Variants in IGLON5 observed in about 807,000 individuals in gnomAD.
IGLON5 encodes IgLON family member 5.
IGLON5 carries 16 observed loss-of-function variants against 38.2 expected under a neutral mutation model. The observed-to-expected ratio is 0.42, with a 90% CI of 0.28 to 0.64. IGLON5 has a LOEUF of 0.64. IGLON5 is among the 30% of genes least tolerant of loss of function. IGLON5 has a pLI of 0.23. For missense variants in IGLON5, 366 were observed against 483.4 expected (o/e 0.76, Z 2.28); for synonymous variants, 207 against 216.4 (o/e 0.96, Z 0.38).
At chr19:51,322,306 C>T (rs112256927) in intron 2 of IGLON5, among the ~76,000 whole-genome samples, 164 bp downstream of exon 2, 2,688 of 152,168 alleles carry the variant, frequency 0.018, 54 homozygotes, top group African/African-American at 0.049. Flanking sequence ...GGCTCCCCCT[C>T]GGCTTCAGTG....
Position 51,323,662 on chromosome 19 carries a change from C to T in IGLON5, c.159C>T (p.Ser53=), listed in dbSNP as rs1985136260. 4.4e-6 allele frequency: 7 copies of T among 1,606,220 alleles called. No individual in the cohort carries two copies. Among genetic ancestry groups the T allele is most frequent in the Non-Finnish European group, 6.0e-6 (7 of 1,173,778 alleles). Reference sequence around the variant, plus strand: ...ACCTTCCCACTCATTCTCCCTGCAGCTGCTTCATCGACGAGCACGTGACCC... The same window carrying T: ...ACCTTCCCACTCATTCTCCCTGCAGTTGCTTCATCGACGAGCACGTGACCC... The part of the protein sequence containing the change: ...TVCEGDNATL[S]CFIDEHVTRV... Residue 53 remains serine, a splice_region_variant and synonymous_variant, in exon 3 of 8, where the codon AGC becomes AGT. Transcript: ENST00000270642.
intron 1 of IGLON5, among the ~76,000 whole-genome samples, chr19:51,314,932 C>T (rs894712022): frequency 6.6e-6 from 1 of 152,152 alleles, no homozygotes; most frequent in African/African-American, 2.4e-5. Flanking sequence ...CTTCTGCAGA[C>T]TTAGACACGA....
intron 1 of IGLON5, among the ~76,000 whole-genome samples, chr19:51,320,960 A>G (rs1475031929): frequency 2.0e-5 from 3 of 152,168 alleles, no homozygotes; most frequent in Non-Finnish European, 2.9e-5. Context: ...TCATCTTTGC[A>G]TAGGTACATG....
intron 4 of IGLON5, 28 bp from the exon 5 acceptor site, chr19:51,326,736 C>CA: frequency 1.3e-6 from 2 of 1,529,396 alleles, no homozygotes; most frequent in Non-Finnish European, 1.8e-6. Flanking sequence ...TGTCCGGCCC[C>CA]GCCCCCTCCT....
chr19:51,313,601 CCTT>C (rs1489697461), intron 1 of IGLON5, among the ~76,000 whole-genome samples: 13 of 149,760 alleles, frequency 8.7e-5, no homozygotes, highest in Non-Finnish European at 1.9e-4. Flanking sequence ...CTTTCTCTTT[CCTT>C]CTTTCTTTCT....
chr19:51,320,542 A>G (rs1280650781), intron 1 of IGLON5, among the ~76,000 whole-genome samples: 1 of 152,192 alleles, frequency 6.6e-6, no homozygotes, highest in African/African-American at 2.4e-5. Context: ...CAGAGAGATG[A>G]CTGCGTGGGG....
At position 51,327,712 on chromosome 19, in the gene IGLON5, CT is replaced by C. The variant is rs1356855732; in HGVS notation, c.768-19del. The stretch of plus-strand genomic sequence containing the variant: ...CTGGCTGGGCGCTGCGGCCCGGCCC[CT>C]GACCCGGATCCCTGGCAGGCTGAGC... On this transcript the variant is annotated intron_variant, in intron 6 of 7. Transcript: ENST00000270642. The surrounding 1 kb of genome is among the most constrained non-coding windows in gnomAD (Gnocchi z 7.1). The C allele has an allele frequency of 1.9e-6, 3 of 1,556,946 alleles. No homozygotes were observed. The highest frequency in any genetic ancestry group is 2.7e-5 in the African/African-American group (2 of 73,452).
At chr19:51,317,526 GC>G (rs1440064421) in intron 1 of IGLON5, among the ~76,000 whole-genome samples, 1 of 152,122 alleles carries the variant, frequency 6.6e-6, no homozygotes, top group East Asian at 1.9e-4. Flanking sequence ...CATTCCCTGG[GC>G]CCCCTGGTTA....
At chr19:51,314,117 C>T (rs1984851913) in intron 1 of IGLON5, among the ~76,000 whole-genome samples, 1 of 151,902 alleles carries the variant, frequency 6.6e-6, no homozygotes, top group Non-Finnish European at 1.5e-5. Context: ...TGACCTTTCC[C>T]CCACTTTCCT....
At chr19:51,320,112 C>T (rs1015256637) in intron 1 of IGLON5, among the ~76,000 whole-genome samples, 1 of 152,156 alleles carries the variant, frequency 6.6e-6, no homozygotes, top group Non-Finnish European at 1.5e-5. Context: ...CCCAGGGCTG[C>T]GTGTAGCAGT....
chr19:51,320,150 G>A (rs1313047092), intron 1 of IGLON5, among the ~76,000 whole-genome samples: 1 of 152,154 alleles, frequency 6.6e-6, no homozygotes, highest in Non-Finnish European at 1.5e-5. Context: ...CGGGGAGGGT[G>A]AGCCCCCTCT....
At chr19:51,322,363 G>C (rs973686103) in intron 2 of IGLON5, among the ~76,000 whole-genome samples, 1 of 151,954 alleles carries the variant, frequency 6.6e-6, no homozygotes, top group African/African-American at 2.4e-5. Flanking sequence ...GACACACACA[G>C]AGAGAGGGAC....
Position 51,327,886 on chromosome 19 carries a change from C to A in IGLON5, c.922C>A (p.Arg308Ser). The change falls in exon 7 of 8, where the codon CGC becomes AGC. Residue 308 changes from arginine (R) to serine (S), a missense_variant and splice_region_variant. Physicochemically the swap from Arg to Ser is moderately radical, Grantham distance 110 (BLOSUM62 -1). Coordinates refer to ENST00000270642, the MANE Select transcript of IGLON5 (RefSeq NM_001101372.3). This position sits in a 1 kb window ranked among gnomAD's most constrained non-coding sequence, Gnocchi z 7.1. Reference sequence around the variant, plus strand: ...GTCCAGCGCCTCCATGCGGCTCCTGCGTGCGTCTTCGGGCGGGGCGGGGCC... The same window carrying A: ...GTCCAGCGCCTCCATGCGGCTCCTGAGTGCGTCTTCGGGCGGGGCGGGGCC... Reference protein sequence around the residue: ...GASSASMRLLRPGSLENSAPR... With the variant: ...GASSASMRLLSPGSLENSAPR... 1.6e-6 allele frequency: 2 copies of A among 1,286,416 alleles called. No homozygotes were observed. The highest frequency in any genetic ancestry group is 2.0e-6 in the Non-Finnish European group (2 of 982,744). 79.7% of individuals were successfully genotyped at this position (1,286,416 alleles called of 1,614,324 possible).
rs1285268338 is a variant in IGLON5 at position 51,327,677 on chromosome 19, G to A, written c.768-55G>A. On this transcript the variant is annotated intron_variant, in intron 6 of 7. Coordinates refer to ENST00000270642, the MANE Select transcript of IGLON5 (RefSeq NM_001101372.3). The surrounding 1 kb of genome is among the most constrained non-coding windows in gnomAD (Gnocchi z 7.1). ...GGGGAACGGAGGAGCCTGAGAGTCG[G>A]GGGGCTGGCCTGGCTGGGCGCTGCG... 4 of 1,537,392 alleles carry A rather than the reference G, an allele frequency of 2.6e-6. No homozygotes were observed. The highest frequency in any genetic ancestry group is 3.5e-6 in the Non-Finnish European group (4 of 1,147,586).
Position 51,327,228 on chromosome 19 carries a change from G to C in IGLON5, c.767+28G>C. 1 of 1,595,810 alleles carries C rather than the reference G, an allele frequency of 6.3e-7. No homozygotes were observed. Among genetic ancestry groups the C allele is most frequent in the Non-Finnish European group, 8.6e-7 (1 of 1,169,166 alleles). Reference sequence around the variant, plus strand: ...GAGGACAGCACTGAGGGGGCCGTGGGAGCGGGAAGGGGAGGTCTTTAGTCC... The same window carrying C: ...GAGGACAGCACTGAGGGGGCCGTGGCAGCGGGAAGGGGAGGTCTTTAGTCC... On this transcript the variant is annotated intron_variant, in intron 6 of 7. Coordinates refer to ENST00000270642, the MANE Select transcript of IGLON5 (RefSeq NM_001101372.3). The surrounding 1 kb of genome is among the most constrained non-coding windows in gnomAD (Gnocchi z 7.1).
intron 7 of IGLON5, among the ~76,000 whole-genome samples, chr19:51,328,136 T>G (rs1196949883): frequency 6.6e-6 from 1 of 152,126 alleles, no homozygotes; most frequent in Non-Finnish European, 1.5e-5. Flanking sequence ...GAGCTTATAG[T>G]CTAGTAGGAG....
rs892089073 is a variant in IGLON5, at chr19:51,316,683, G to A, written c.79+4757G>A. Reference sequence around the variant, plus strand: ...TAATTTTTGTGTTTTTAGTAGAGACGGGGTTTCACCATATTGGTCAGGCTA... The same window carrying A: ...TAATTTTTGTGTTTTTAGTAGAGACAGGGTTTCACCATATTGGTCAGGCTA... On this transcript the variant is annotated intron_variant, in intron 1 of 7. Coordinates refer to ENST00000270642, the MANE Select transcript of IGLON5 (RefSeq NM_001101372.3). Among the ~76,000 whole-genome samples, 8 of 151,658 alleles carry A rather than the reference G, an allele frequency of 5.3e-5. 1 individual carries two copies. The highest frequency in any genetic ancestry group is 7.3e-5 in the African/African-American group (3 of 41,300).
intron 1 of IGLON5, among the ~76,000 whole-genome samples, chr19:51,320,839 TTC>T (rs1388412150): frequency 6.6e-6 from 1 of 152,348 alleles, no homozygotes; most frequent in East Asian, 1.9e-4. Context: ...TTCGGTACAT[TTC>T]TGAGTTAATG....
intron 1 of IGLON5, among the ~76,000 whole-genome samples, chr19:51,319,294 T>C (rs1485360578): frequency 1.7e-5 from 2 of 115,402 alleles, no homozygotes; most frequent in African/African-American, 8.3e-5. Context: ...TCCAATTCCC[T>C]GTGTGTGTGC....
Sources: allele counts gnomAD v4.1 joint callset (sites outside exome capture counted in the v4.1 genomes callset), GRCh38; gene constraint gnomAD v4.1.1; non-coding constraint Gnocchi (gnomAD v3.1); transcripts MANE v1.5; gene names NCBI Gene and HGNC (gene_info 2026-07-23, HGNC 2026-07-21).